Variants in NALF1 observed in about 807,000 individuals in gnomAD.
The protein encoded by NALF1 is family with sequence similarity 155 member A.
In NALF1, 3 loss-of-function variants were observed where a neutral mutation model predicts 48.4. That is an observed-to-expected ratio of 0.06 (90% confidence interval 0.03 to 0.16). The LOEUF is 0.16. Ranked by LOEUF, NALF1 falls within the 10% of genes least tolerant of loss-of-function variation. The pLI, the probability that NALF1 is intolerant of heterozygous loss-of-function variation, is 1.00. For synonymous variants in NALF1, 262 were observed against 245.7 expected (o/e 1.07, Z -0.62); for missense variants, 526 against 571.5 (o/e 0.92, Z 0.81).
At chr13:107,700,511 T>C (rs1428846201) in intron 1 of NALF1, among the ~76,000 whole-genome samples, 1 of 151,950 alleles carries the variant, frequency 6.6e-6, no homozygotes, top group African/African-American at 2.4e-5. Context: ...AGGCTCTAAA[T>C]GTATGACCAT....
intron 1 of NALF1, among the ~76,000 whole-genome samples, chr13:107,539,443 T>C (rs1001672672): frequency 6.6e-6 from 1 of 152,144 alleles, no homozygotes; most frequent in African/African-American, 2.4e-5. Flanking sequence ...GCCCCGCTTC[T>C]CAACACTGCT....
chr13:107,176,925 T>G (rs1878951434), intron 2 of NALF1, among the ~76,000 whole-genome samples: 1 of 151,788 alleles, frequency 6.6e-6, no homozygotes, highest in Non-Finnish European at 1.5e-5. Flanking sequence ...ATTTTTCTTA[T>G]ATTAATTATC....
intron 1 of NALF1, among the ~76,000 whole-genome samples, chr13:107,731,490 T>C (rs753843633): frequency 2.3e-4 from 35 of 152,126 alleles, no homozygotes; most frequent in Non-Finnish European, 4.3e-4. Flanking sequence ...ACAGACTATT[T>C]TGTCACCCAG....
chr13:107,790,574 C>T (rs1353780124), intron 1 of NALF1, among the ~76,000 whole-genome samples: 1 of 152,126 alleles, frequency 6.6e-6, no homozygotes, highest in Non-Finnish European at 1.5e-5. Context: ...AGATCACATA[C>T]ACATAATTCA....
At chr13:107,552,650 C>G (rs1877328751) in intron 1 of NALF1, among the ~76,000 whole-genome samples, 1 of 152,120 alleles carries the variant, frequency 6.6e-6, no homozygotes, top group East Asian at 1.9e-4. Context: ...GTCAGTCCCA[C>G]TTCACTGTTT....
intron 1 of NALF1, 125 bp downstream of exon 1, chr13:107,865,557 A>C: frequency 7.7e-7 from 1 of 1,304,634 alleles, no homozygotes; most frequent in Non-Finnish European, 1.1e-6. Context: ...AGCTCTTAAT[A>C]ACCGCAGAAA....
At chr13:107,676,623 A>AATTTAATTAATTTAATTAATTT (rs1566439858) in intron 1 of NALF1, among the ~76,000 whole-genome samples, 8 of 151,664 alleles carry the variant, frequency 5.3e-5, no homozygotes, top group South Asian at 2.1e-4. Flanking sequence ...TTAATTAATT[A>AATTTAATTAATTTAATTAATTT]AATTAAATTG....
Position 107,857,553 on chromosome 13 carries a change from C to A in NALF1, c.915+8129G>T, listed in dbSNP as rs567674388. ...AGTGTTCAAGGCCTTTGGTTACGCA[C>A]CTATCAGGATCCAGTCAATCTAAAA... On this transcript the variant is annotated intron_variant, in intron 1 of 2. Coordinates refer to ENST00000375915, the MANE Select transcript of NALF1 (RefSeq NM_001080396.3). Among the ~76,000 whole-genome samples, 8 of 152,280 alleles carry A rather than the reference C, an allele frequency of 5.3e-5. No individual in the cohort carries two copies. In the South Asian group the frequency reaches 8.3e-4, roughly 16 times the overall value.
chr13:107,256,235 G>A (rs761409546), intron 1 of NALF1, among the ~76,000 whole-genome samples: 1 of 152,142 alleles, frequency 6.6e-6, no homozygotes, highest in Non-Finnish European at 1.5e-5. Flanking sequence ...CTGCGCTCTT[G>A]AGATTTATTC....
chr13:107,335,782 T>C (rs1882544290), intron 1 of NALF1, among the ~76,000 whole-genome samples: 2 of 152,234 alleles, frequency 1.3e-5, no homozygotes, highest in Admixed American at 1.3e-4. Context: ...ACCTTTTCAG[T>C]CGATTCTATC....
chr13:107,182,729 T>G (rs937479590), intron 2 of NALF1, among the ~76,000 whole-genome samples: 76 of 152,232 alleles, frequency 5.0e-4, no homozygotes, highest in African/African-American at 1.8e-3. Flanking sequence ...AAGTTTTACT[T>G]TCTTCAACAA....
chr13:107,731,201 G>A (rs1395679136), intron 1 of NALF1, among the ~76,000 whole-genome samples: 1 of 152,146 alleles, frequency 6.6e-6, no homozygotes, highest in Non-Finnish European at 1.5e-5. Flanking sequence ...AGTGTGGAAA[G>A]TATCTCATAT....
At chr13:107,201,279 G>A (rs1211139850) in intron 2 of NALF1, among the ~76,000 whole-genome samples, 1 of 152,186 alleles carries the variant, frequency 6.6e-6, no homozygotes, top group African/African-American at 2.4e-5. Context: ...TCAGAAGGAA[G>A]TTTCTCTAGC....
intron 1 of NALF1, among the ~76,000 whole-genome samples, chr13:107,690,144 G>A (rs1291993995): frequency 6.6e-6 from 1 of 152,162 alleles, no homozygotes; most frequent in Non-Finnish European, 1.5e-5. Flanking sequence ...AGAAGAATTA[G>A]AGAACTGTTT....
intron 2 of NALF1, among the ~76,000 whole-genome samples, chr13:107,179,839 G>A (rs993270234): frequency 1.3e-5 from 2 of 148,268 alleles, no homozygotes; most frequent in Non-Finnish European, 3.0e-5. Flanking sequence ...CTTCTTGGCT[G>A]GCAGGCATCA....
intron 2 of NALF1, among the ~76,000 whole-genome samples, chr13:107,205,690 A>G (rs1392983860): frequency 1.3e-5 from 2 of 152,086 alleles, no homozygotes; most frequent in Non-Finnish European, 2.9e-5. Context: ...ATTGTCAGTA[A>G]CCCCCAGCAG....
At chr13:107,829,243 C>T (rs1484763940) in intron 1 of NALF1, among the ~76,000 whole-genome samples, 1 of 152,140 alleles carries the variant, frequency 6.6e-6, no homozygotes, top group African/African-American at 2.4e-5. Context: ...ATCCAGCTTC[C>T]ATATTTGTTC....
chr13:107,628,613 G>A (rs994192610), intron 1 of NALF1, among the ~76,000 whole-genome samples: 4 of 152,066 alleles, frequency 2.6e-5, no homozygotes, highest in Non-Finnish European at 4.4e-5. Flanking sequence ...TATGTTTCAC[G>A]TTAAAGAAAC....
chr13:107,634,479 GA>G (rs1357126859), intron 1 of NALF1, among the ~76,000 whole-genome samples: 1 of 152,106 alleles, frequency 6.6e-6, no homozygotes, highest in East Asian at 1.9e-4. Flanking sequence ...GAACATGTCA[GA>G]AAATAATTTT....
Sources: gnomAD v4.1 joint callset for allele counts (sites outside exome capture counted in the v4.1 genomes callset) on GRCh38, gnomAD v4.1.1 for gene constraint, MANE v1.5 for transcripts, NCBI Gene and HGNC (gene_info 2026-07-23, HGNC 2026-07-21) for gene names.